DYNC1I1: variants seen among roughly 807,000 people sequenced by gnomAD.
DYNC1I1 encodes dynein cytoplasmic 1 intermediate chain 1, also known as cytoplasmic dynein 1 intermediate chain 1.
A neutral mutation model predicts 86.6 loss-of-function variants in DYNC1I1; 43 were observed. That is an observed-to-expected ratio of 0.50 (90% CI 0.39 to 0.64). The LOEUF is 0.64. DYNC1I1 is among the 30% of genes least tolerant of loss of function. The pLI, the probability that DYNC1I1 is intolerant of heterozygous loss-of-function variation, is 0.00. For missense variants in DYNC1I1, 604 were observed against 788.8 expected (o/e 0.77, Z 2.81); for synonymous variants, 262 against 283.7 (o/e 0.92, Z 0.77).
chr7:95,873,312 T>G (rs1305122915), intron 6 of DYNC1I1, among the ~76,000 whole-genome samples: 3 of 152,144 alleles, frequency 2.0e-5, no homozygotes, highest in South Asian at 2.1e-4. Flanking sequence ...CATAGACACT[T>G]GGGGCACCAT....
At chr7:95,790,748 A>C (rs957183654) in intron 1 of DYNC1I1, among the ~76,000 whole-genome samples, 3 of 152,344 alleles carry the variant, frequency 2.0e-5, no homozygotes, top group African/African-American at 7.2e-5. Flanking sequence ...ATGCAAAAAA[A>C]CACAACTACA....
At chr7:95,962,393 AAAT>A (rs1328930257) in intron 6 of DYNC1I1, among the ~76,000 whole-genome samples, 2 of 152,164 alleles carry the variant, frequency 1.3e-5, no homozygotes, top group Non-Finnish European at 2.9e-5. Context: ...TATTGCAACT[AAAT>A]AATAGCTGCT....
At chr7:95,994,735 G>T (rs1434659607) in intron 9 of DYNC1I1, among the ~76,000 whole-genome samples, 4 of 152,148 alleles carry the variant, frequency 2.6e-5, no homozygotes, top group Non-Finnish European at 5.9e-5. Flanking sequence ...TTAAGCTGAG[G>T]AATGACTTAG....
intron 6 of DYNC1I1, among the ~76,000 whole-genome samples, chr7:95,942,274 GA>G (rs797017527): frequency 1.6e-4 from 25 of 152,114 alleles, no homozygotes; most frequent in African/African-American, 6.0e-4. Flanking sequence ...AAATCTAGAA[GA>G]AATCGATAAG....
chr7:95,975,317 G>T (rs1793275479), intron 6 of DYNC1I1, among the ~76,000 whole-genome samples: 1 of 152,134 alleles, frequency 6.6e-6, no homozygotes, highest in South Asian at 2.1e-4. Context: ...AGTTCTGGAG[G>T]CTAGGATCTG....
chr7:95,800,644 G>T (rs548971395), intron 1 of DYNC1I1, among the ~76,000 whole-genome samples: 1 of 152,300 alleles, frequency 6.6e-6, no homozygotes, highest in South Asian at 2.1e-4. Context: ...GCTGGTGTGT[G>T]GTGGAACATG....
intron 9 of DYNC1I1, among the ~76,000 whole-genome samples, chr7:95,989,271 A>G (rs1793672111): frequency 6.6e-6 from 1 of 152,248 alleles, no homozygotes; most frequent in African/African-American, 2.4e-5. Flanking sequence ...CTAGACCCTC[A>G]TCAGCAATAA....
intron 16 of DYNC1I1, among the ~76,000 whole-genome samples, chr7:96,084,491 G>T (rs1361619557): frequency 7.1e-6 from 1 of 141,268 alleles, no homozygotes; most frequent in Non-Finnish European, 1.5e-5. Flanking sequence ...CCAGGCTGGA[G>T]TGCAATGGCA....
intron 9 of DYNC1I1, among the ~76,000 whole-genome samples, chr7:95,991,724 C>T (rs777728435): frequency 1.2e-4 from 18 of 152,114 alleles, no homozygotes; most frequent in East Asian, 1.9e-4. Flanking sequence ...GGGTCTCCTG[C>T]ACCCCTCTTT....
chr7:95,963,314 G>A (rs531545870), intron 6 of DYNC1I1, among the ~76,000 whole-genome samples: 12 of 152,148 alleles, frequency 7.9e-5, no homozygotes, highest in South Asian at 4.1e-4. Flanking sequence ...TACATTTGTC[G>A]TTTCCCTGCA....
chr7:95,829,531 T>TA (rs1243598911), intron 5 of DYNC1I1, among the ~76,000 whole-genome samples: 2 of 152,082 alleles, frequency 1.3e-5, no homozygotes, highest in Non-Finnish European at 2.9e-5. Flanking sequence ...TATATTGTGT[T>TA]AAAAAAACAG....
In DYNC1I1 at chr7:96,097,747, A is replaced by G. The variant is rs1791060263; in HGVS notation, c.*154A>G. 17 of 1,378,924 alleles carry G rather than the reference A, an allele frequency of 1.2e-5. No homozygotes were observed. Among genetic ancestry groups the G allele is most frequent in the South Asian group, 7.5e-5 (4 of 53,542 alleles). 85.4% of individuals were successfully genotyped at this position (1,378,924 alleles called of 1,614,324 possible). A position where few individuals can be genotyped will look rare whatever the true frequency, so the allele number is the denominator to read the frequency against. ...GCCAGCTTTGCTCCAAGTATTCTAA[A>G]TGTGTCCCATCATGCTTTCCACTGA... On this transcript the variant is annotated 3_prime_UTR_variant, in exon 17 of 17. Coordinates refer to ENST00000447467, the MANE Select transcript of DYNC1I1 (RefSeq NM_001135556.2).
chr7:96,086,687 C>T (rs1165960366), intron 16 of DYNC1I1, among the ~76,000 whole-genome samples: 2 of 152,052 alleles, frequency 1.3e-5, no homozygotes, highest in Non-Finnish European at 2.9e-5. Context: ...GATATATGGG[C>T]TTTGAAAAAT....
In DYNC1I1 at chr7:95,963,718, ACT is replaced by A. The variant is rs1792933062; in HGVS notation, c.491-13789_491-13788del. The stretch of plus-strand genomic sequence containing the variant: ...AGGGATTGTCAGTAGAAAGTTATGA[ACT>A]CTCTGGTGAAATGCTGCTCAGTTTA... On this transcript the variant is annotated intron_variant, in intron 6 of 16. Transcript: ENST00000447467. Among the ~76,000 whole-genome samples, 2 of 152,096 alleles carry A rather than the reference ACT, an allele frequency of 1.3e-5. 1 individual carries two copies. The highest frequency in any genetic ancestry group is 4.1e-4 in the South Asian group (2 of 4,820).
chr7:95,870,100 G>C, intron 6 of DYNC1I1, 102 bp downstream of exon 6: 1 of 1,015,042 alleles, frequency 9.9e-7, no homozygotes, highest in Non-Finnish European at 1.4e-6. Context: ...AGCTCTTCAT[G>C]GGATACAAAC....
intron 6 of DYNC1I1, among the ~76,000 whole-genome samples, chr7:95,934,329 G>C (rs1791982580): frequency 6.6e-6 from 1 of 152,126 alleles, no homozygotes. Flanking sequence ...AAAAGCTTTG[G>C]TTCCCAAATT....
At chr7:95,866,782 T>C (rs942984009) in intron 5 of DYNC1I1, among the ~76,000 whole-genome samples, 3 of 152,144 alleles carry the variant, frequency 2.0e-5, no homozygotes, top group African/African-American at 4.8e-5. Flanking sequence ...AAATTATAAA[T>C]TATTTGAGAC....
intron 15 of DYNC1I1, among the ~76,000 whole-genome samples, chr7:96,080,096 T>C (rs1790466896): frequency 6.6e-6 from 1 of 152,184 alleles, no homozygotes; most frequent in Non-Finnish European, 1.5e-5. Context: ...AAAGAAATAT[T>C]CATGCCACTT....
At chr7:95,779,824 A>C (rs570252454) in intron 1 of DYNC1I1, among the ~76,000 whole-genome samples, 2 of 152,286 alleles carry the variant, frequency 1.3e-5, no homozygotes, top group South Asian at 4.1e-4. Context: ...ACTTCCTGAA[A>C]TGTAGCGCCC....
Sources: gnomAD v4.1 joint callset for allele counts (sites outside exome capture counted in the v4.1 genomes callset) on GRCh38, gnomAD v4.1.1 for gene constraint, MANE v1.5 for transcripts, NCBI Gene and HGNC (gene_info 2026-07-23, HGNC 2026-07-21) for gene names.